The following SASH1 variants were observed in gnomAD, a reference collection of about 807,000 sequenced individuals.
SASH1 encodes the protein SAM and SH3 domain containing 1, also known as SAM and SH3 domain-containing protein 1.
Under a neutral mutation model 125.2 loss-of-function variants are expected in SASH1, and 44 were observed. The observed-to-expected ratio is 0.35, with a 90% CI of 0.28 to 0.45. The LOEUF (loss-of-function observed/expected upper bound fraction) is 0.45. Among genes scored for constraint, SASH1 ranks in the 20% least tolerant of loss-of-function variants. The pLI, the probability that SASH1 is intolerant of heterozygous loss-of-function variation, is 1.00. For synonymous variants in SASH1, 639 were observed against 649.1 expected, an observed-to-expected ratio of 0.98 and a Z score of 0.24; for missense variants, 1,426 against 1,614.5, an observed-to-expected ratio of 0.88 and a Z score of 2.00.
chr6:148,391,708 A>G (rs1783737373), intron 2 of SASH1, among the ~76,000 whole-genome samples: 1 of 152,238 alleles, frequency 6.6e-6, no homozygotes, highest in Non-Finnish European at 1.5e-5. Context: ...TTATATGTAT[A>G]CTAGTAGTTC....
rs1239034756 is a variant in SASH1, at chr6:148,544,873, G to A, written c.3348+55G>A. The stretch of plus-strand genomic sequence containing the variant: ...ACAGGCCTTTGTTTGTAGAAGTCAG[G>A]CAGCCAGGTGAGATGAACCCACATC... On this transcript the variant is annotated intron_variant, in intron 18 of 19. Transcript: ENST00000367467. This position sits in a 1 kb window ranked among gnomAD's most constrained non-coding sequence, Gnocchi z 6.4. 40 of 1,482,302 alleles carry A rather than the reference G, an allele frequency of 2.7e-5. No individual in the cohort carries two copies. The highest frequency in any genetic ancestry group is 3.6e-5 in the Non-Finnish European group (40 of 1,112,958). 91.8% of individuals were successfully genotyped at this position (1,482,302 alleles called of 1,614,324 possible). A position where few individuals can be genotyped will look rare whatever the true frequency, so the allele number is the denominator to read the frequency against.
intron 4 of SASH1, among the ~76,000 whole-genome samples, chr6:148,460,677 T>A (rs1421254860): frequency 6.6e-6 from 1 of 152,186 alleles, no homozygotes; most frequent in African/African-American, 2.4e-5. Flanking sequence ...AAATACTGCT[T>A]AAGGAAGACA....
chr6:148,301,674 G>A (rs1003144774), intron 1 of SASH1, among the ~76,000 whole-genome samples: 1 of 151,658 alleles, frequency 6.6e-6, no homozygotes, highest in African/African-American at 2.4e-5. Context: ...AACCTCCCAG[G>A]CTGAAGCATT....
At chr6:148,233,740 T>TAAAAAAAA in the SASH1 span, among the ~76,000 whole-genome samples, 1 of 11,694 alleles carries the variant, frequency 8.6e-5, no homozygotes, top group African/African-American at 1.4e-3. Flanking sequence ...GCTTCCTCTC[T>TAAAAAAAA]ACAAAAAAAA....
chr6:148,295,167 G>A (rs1191244735), intron 1 of SASH1, among the ~76,000 whole-genome samples: 1 of 152,112 alleles, frequency 6.6e-6, no homozygotes, highest in Non-Finnish European at 1.5e-5. Context: ...TGATAATGAA[G>A]TAAACGAGTA....
chr6:148,269,269 C>T (rs940232600), upstream of SASH1, among the ~76,000 whole-genome samples: 2 of 152,030 alleles, frequency 1.3e-5, no homozygotes, highest in Non-Finnish European at 2.9e-5. Context: ...GTGTGCCCTC[C>T]CTCTCAATTG....
chr6:148,362,843 G>A (rs1332119399), intron 1 of SASH1, among the ~76,000 whole-genome samples: 1 of 152,012 alleles, frequency 6.6e-6, no homozygotes, highest in Non-Finnish European at 1.5e-5. Context: ...GCAAGACCTT[G>A]CCTCAAAAAT....
chr6:148,246,203 A>T, the SASH1 span, among the ~76,000 whole-genome samples: 183 of 152,256 alleles, frequency 1.2e-3, no homozygotes, highest in Middle Eastern at 6.8e-3. Flanking sequence ...AGAACAGTGG[A>T]TTCAGAAACA....
chr6:148,535,688 A>G (rs1781800249), intron 16 of SASH1, among the ~76,000 whole-genome samples: 1 of 152,224 alleles, frequency 6.6e-6, no homozygotes, highest in Non-Finnish European at 1.5e-5. Context: ...CCTTTGCTCC[A>G]TTAACTCAGT....
the SASH1 span, among the ~76,000 whole-genome samples, chr6:148,234,192 AC>A: frequency 4.6e-5 from 7 of 151,880 alleles, no homozygotes; most frequent in Admixed American, 4.6e-4. Flanking sequence ...CACTGGCTTC[AC>A]CATGCCCAGC....
intron 4 of SASH1, among the ~76,000 whole-genome samples, chr6:148,462,951 T>TG (rs1485221231): frequency 1.3e-5 from 2 of 152,024 alleles, no homozygotes; most frequent in African/African-American, 4.8e-5. Context: ...TATTCTGTGA[T>TG]GGGGGGTAAT....
intron 8 of SASH1, among the ~76,000 whole-genome samples, chr6:148,504,046 C>G (rs1445220473): frequency 2.0e-5 from 3 of 152,088 alleles, no homozygotes; most frequent in Non-Finnish European, 4.4e-5. Context: ...TAGTGATGGG[C>G]TAGGGAATCT....
intron 8 of SASH1, among the ~76,000 whole-genome samples, chr6:148,498,203 G>C (rs1178666563): frequency 6.7e-6 from 1 of 150,064 alleles, no homozygotes; most frequent in African/African-American, 2.5e-5. Flanking sequence ...GGCCAACATG[G>C]TGAAACCTCA....
At chr6:148,489,999 C>A (rs1387945153) in intron 8 of SASH1, among the ~76,000 whole-genome samples, 7 of 125,326 alleles carry the variant, frequency 5.6e-5, no homozygotes, top group Non-Finnish European at 9.6e-5. Flanking sequence ...TACCACTGCA[C>A]TCCATCCTGT....
intron 1 of SASH1, among the ~76,000 whole-genome samples, chr6:148,276,619 G>A (rs7453722): frequency 0.035 from 5,338 of 152,232 alleles, 215 homozygotes; most frequent in Admixed American, 0.096. Context: ...GAAAGCTGAG[G>A]GCAGGTAGTA....
At chr6:148,259,238 C>T in the SASH1 span, among the ~76,000 whole-genome samples, 1 of 152,166 alleles carries the variant, frequency 6.6e-6, no homozygotes, top group African/African-American at 2.4e-5. Context: ...ACAGAACCAT[C>T]AGAGTTAATC....
chr6:148,341,779 T>C (rs559454971), upstream of SASH1, among the ~76,000 whole-genome samples: 78 of 151,936 alleles, frequency 5.1e-4, no homozygotes, highest in Middle Eastern at 6.8e-3. Context: ...CTTTTTTTTT[T>C]CCTTTTAAAC....
the SASH1 span, among the ~76,000 whole-genome samples, chr6:148,202,143 A>G: frequency 4.8e-4 from 73 of 151,860 alleles, no homozygotes; most frequent in African/African-American, 1.6e-3. Context: ...TTTTTTAATT[A>G]TCTGTTATTT....
rs780717922 is a variant in SASH1 at position 148,534,820 on chromosome 6, G to A, written c.2014G>A (p.Asp672Asn). ...LDTFKLLEEE[D>N]LDELNIRDPE... The stretch of plus-strand genomic sequence containing the variant: ...CACCTTTAAGCTGCTGGAGGAGGAA[G>A]ACTTGGATGAGTTAAATATCAGGGA... Residue 672 changes from aspartate (D) to asparagine (N), a missense_variant, in exon 16 of 20, where the codon GAC becomes AAC. Asp to Asn is a conservative substitution (Grantham distance 23). Coordinates refer to ENST00000367467, the MANE Select transcript of SASH1 (RefSeq NM_015278.5). The A allele has an allele frequency of 3.1e-6, 5 of 1,614,084 alleles. No homozygotes were observed. In the Admixed American group the frequency reaches 8.3e-5, roughly 27 times the overall value.
Sources: allele counts gnomAD v4.1 joint callset (sites outside exome capture counted in the v4.1 genomes callset), GRCh38; gene constraint gnomAD v4.1.1; non-coding constraint Gnocchi (gnomAD v3.1); transcripts MANE v1.5; gene names NCBI Gene and HGNC (gene_info 2026-07-23, HGNC 2026-07-21).